Variants in LPAR1 observed in about 807,000 individuals in gnomAD.
LPAR1 encodes the protein LPA receptor 1.
In LPAR1, 5 loss-of-function variants were observed where a neutral mutation model predicts 23.8. That is an observed-to-expected ratio of 0.21 (90% CI 0.11 to 0.44). The LOEUF is 0.44. Ranked by LOEUF, LPAR1 falls within the 20% of genes least tolerant of loss-of-function variation. The probability of loss-of-function intolerance (pLI) is 0.99; values close to 1 mark genes in which losing one functional copy is unlikely to be tolerated. For missense variants in LPAR1, 311 were observed against 482.8 expected (o/e 0.64, Z 3.33); for synonymous variants, 160 against 164.7 (o/e 0.97, Z 0.22).
chr9:110,978,225 C>G (rs950916989), intron 2 of LPAR1, among the ~76,000 whole-genome samples: 1 of 151,998 alleles, frequency 6.6e-6, no homozygotes, highest in Admixed American at 6.6e-5. Context: ...CTGCGCTAAC[C>G]AGAAAAGAAA....
rs1217969747 is a variant in LPAR1, at chr9:110,994,675, TAGA to T, written c.-181-21120_-181-21118del. Among the ~76,000 whole-genome samples the T allele has an allele frequency of 3.9e-5, 6 of 152,194 alleles. No homozygotes were observed. In the East Asian group the frequency reaches 1.2e-3, roughly 29 times the overall value. ...GGAGGAGGAGAGGAAGGAGCAGGGA[TAGA>T]AGGAGAAGCAGTCATCTTACATAAA... On this transcript the variant is annotated intron_variant, in intron 2 of 5. Coordinates refer to ENST00000683809, the MANE Select transcript of LPAR1 (RefSeq NM_001351411.2).
intron 5 of LPAR1, among the ~76,000 whole-genome samples, chr9:110,910,898 C>T (rs370085770): frequency 3.3e-5 from 5 of 152,202 alleles, no homozygotes; most frequent in East Asian, 3.9e-4. Flanking sequence ...TGAAGAGTTG[C>T]TTCTTATGGA....
At chr9:111,009,996 AAAAT>A (rs2097297408) in intron 2 of LPAR1, among the ~76,000 whole-genome samples, 1 of 108,968 alleles carries the variant, frequency 9.2e-6, no homozygotes, top group African/African-American at 3.7e-5. Flanking sequence ...CATAATTAGG[AAAAT>A]ATATATATAT....
chr9:110,903,425 C>G (rs1053320415), intron 5 of LPAR1: 1 of 151,988 alleles, frequency 6.6e-6, no homozygotes, highest in African/African-American at 2.4e-5. Context: ...CATGCAAAGT[C>G]GTGACGCATT....
chr9:110,947,083 G>C (rs997616765), intron 4 of LPAR1, among the ~76,000 whole-genome samples: 2 of 152,128 alleles, frequency 1.3e-5, no homozygotes, highest in African/African-American at 4.8e-5. Context: ...TAGGAGGAAA[G>C]CATAAGCAAT....
Position 110,942,091 on chromosome 9 carries a change from A to G in LPAR1, c.123T>C (p.Leu41=). 6.2e-7 allele frequency: 1 copy of G among 1,614,182 alleles called. No homozygotes were observed. Among genetic ancestry groups the G allele is most frequent in the Non-Finnish European group, 8.5e-7 (1 of 1,180,014 alleles). The stretch of plus-strand genomic sequence containing the variant: ...TGCTGACTGTGTTCCATTCTGTGGC[A>G]AGATGCTTTCCACTTCGGTTATAAA... ...AFFYNRSGKH[L]ATEWNTVSKL... is the part of the protein sequence containing the mutation. Residue 41 remains leucine (L), a synonymous_variant, in exon 5 of 6, where the codon CTT becomes CTC. Transcript: ENST00000683809.
intron 4 of LPAR1, among the ~76,000 whole-genome samples, chr9:110,950,558 T>A (rs1421853959): frequency 1.3e-5 from 2 of 151,446 alleles, no homozygotes; most frequent in Non-Finnish European, 2.9e-5. Flanking sequence ...AAGACACCTA[T>A]AAACAAACTG....
intron 5 of LPAR1, among the ~76,000 whole-genome samples, chr9:110,881,448 C>T (rs2080805548): frequency 6.6e-6 from 1 of 152,190 alleles, no homozygotes; most frequent in South Asian, 2.1e-4. Context: ...CACCACAATG[C>T]TACTTTCCTG....
chr9:110,990,387 T>C (rs1474201367), intron 2 of LPAR1, among the ~76,000 whole-genome samples: 1 of 152,142 alleles, frequency 6.6e-6, no homozygotes, highest in Non-Finnish European at 1.5e-5. Flanking sequence ...ATTTGAGTCA[T>C]AAAAAGTCTG....
chr9:110,950,642 A>C (rs1588494319), intron 4 of LPAR1, among the ~76,000 whole-genome samples: 1 of 152,108 alleles, frequency 6.6e-6, no homozygotes, highest in African/African-American at 2.4e-5. Flanking sequence ...TAAAAATACC[A>C]GAAAAAAAAA....
At chr9:110,972,318 A>G (rs2096449425) in intron 3 of LPAR1, 98 bp from the exon 4 acceptor site, 2 of 572,920 alleles carry the variant, frequency 3.5e-6, no homozygotes, top group Non-Finnish European at 6.3e-6. Context: ...CTAGACATCA[A>G]GTGTCAAATA....
At chr9:111,017,512 GTAA>G (rs2140940522) in intron 2 of LPAR1, among the ~76,000 whole-genome samples, 1 of 152,302 alleles carries the variant, frequency 6.6e-6, no homozygotes, top group African/African-American at 2.4e-5. Context: ...GTCCCTGACT[GTAA>G]TATCAATGGC....
chr9:110,954,720 AC>A (rs2095680754), intron 4 of LPAR1, among the ~76,000 whole-genome samples: 1 of 152,176 alleles, frequency 6.6e-6, no homozygotes, highest in African/African-American at 2.4e-5. Context: ...AAACAAACAA[AC>A]AAAAAAAACT....
At chr9:110,961,889 T>C (rs1028566639) in intron 4 of LPAR1, among the ~76,000 whole-genome samples, 1 of 152,124 alleles carries the variant, frequency 6.6e-6, no homozygotes, top group Non-Finnish European at 1.5e-5. Flanking sequence ...TCCCACAACA[T>C]GAGGATTATG....
intron 2 of LPAR1, among the ~76,000 whole-genome samples, chr9:111,012,469 G>GCA (rs3030186): frequency 0.05 from 7,441 of 150,032 alleles, 234 homozygotes; most frequent in Non-Finnish European, 0.072. Context: ...ACGCACGCGC[G>GCA]CACACACACA....
intron 2 of LPAR1, among the ~76,000 whole-genome samples, chr9:110,992,259 G>C (rs558082585): frequency 1.2e-4 from 19 of 152,068 alleles, no homozygotes; most frequent in African/African-American, 4.6e-4. Flanking sequence ...GATAAGCATA[G>C]AAGAGCAATT....
intron 3 of LPAR1, among the ~76,000 whole-genome samples, 195 bp from the exon 4 acceptor site, chr9:110,972,415 G>A (rs896651000): frequency 2.0e-5 from 3 of 152,164 alleles, no homozygotes; most frequent in African/African-American, 4.8e-5. Context: ...ATACTCTTAA[G>A]TTGAGGAATT....
At chr9:110,991,615 G>GTTGTTGTTC (rs1564275592) in intron 2 of LPAR1, among the ~76,000 whole-genome samples, 1 of 150,330 alleles carries the variant, frequency 6.7e-6, no homozygotes, top group Non-Finnish European at 1.5e-5. Context: ...TGTTGTTGTT[G>GTTGTTGTTC]TTGTTGTTTT....
At chr9:110,907,102 C>T (rs553106938) in intron 5 of LPAR1, among the ~76,000 whole-genome samples, 1 of 152,244 alleles carries the variant, frequency 6.6e-6, no homozygotes, top group Admixed American at 6.5e-5. Flanking sequence ...CGTATTATCA[C>T]TTTAACAAAA....
Sources: allele counts gnomAD v4.1 joint callset (sites outside exome capture counted in the v4.1 genomes callset), GRCh38; gene constraint gnomAD v4.1.1; transcripts MANE v1.5; gene names NCBI Gene and HGNC (gene_info 2026-07-23, HGNC 2026-07-21).